Variants in MCUB observed in about 807,000 individuals in gnomAD.
The protein encoded by MCUB is calcium uniporter regulatory subunit MCUb, mitochondrial.
MCUB carries 46 observed loss-of-function variants against 41.4 expected under a neutral mutation model. The ratio of observed to expected loss-of-function variants is 1.11; its 90% CI spans 0.88 to 1.42. The LOEUF is 1.42. MCUB is among the 40% of genes most tolerant of loss of function. The probability of loss-of-function intolerance (pLI) is 0.00; values close to 1 mark genes in which losing one functional copy is unlikely to be tolerated. For synonymous variants in MCUB, 148 were observed against 148.2 expected (o/e 1.00, Z 0.01); for missense variants, 403 against 404.9 (o/e 1.00, Z 0.04).
Position 109,685,228 on chromosome 4 carries a change from T to TTC in MCUB, c.817-13_817-12dup, listed in dbSNP as rs201871696. 22 of 931,778 alleles carry TTC rather than the reference T, an allele frequency of 2.4e-5. No homozygotes were observed. The African/African-American group carries it at 3.4e-4, about 15-fold the overall frequency. 57.7% of individuals were successfully genotyped at this position (931,778 alleles called of 1,614,324 possible). ...TGTTCATTCAAAACATGTTGTTTTC[T>TTC]TCTCTCTCTCTTTTTTTTTAAGGAT... On this transcript the variant is annotated intron_variant, in intron 6 of 7. Coordinates refer to ENST00000394650, the MANE Select transcript of MCUB (RefSeq NM_017918.5).
chr4:109,625,648 A>G (rs566200169), intron 1 of MCUB, among the ~76,000 whole-genome samples: 22 of 152,238 alleles, frequency 1.4e-4, no homozygotes, highest in Non-Finnish European at 2.4e-4. Flanking sequence ...ATCATAAGCT[A>G]AAGAGCATCC....
chr4:109,652,938 G>C (rs1397097185), intron 1 of MCUB, among the ~76,000 whole-genome samples: 2 of 152,186 alleles, frequency 1.3e-5, no homozygotes, highest in Non-Finnish European at 2.9e-5. Flanking sequence ...CCAAGTCCCT[G>C]CCTGCTCCTG....
In MCUB at chr4:109,688,195, G is replaced by A. The variant is rs1445276351; in HGVS notation, c.*603G>A. 4 of 152,166 alleles carry A rather than the reference G, an allele frequency of 2.6e-5. No individual in the cohort carries two copies. The highest frequency in any genetic ancestry group is 4.8e-5 in the African/African-American group (2 of 41,442). The allele number at this position is 152,166 out of a possible 1,614,324, so 9.4% of individuals were successfully genotyped here. A position where few individuals can be genotyped will look rare whatever the true frequency, so the allele number is the denominator to read the frequency against. The stretch of plus-strand genomic sequence containing the variant: ...CTGCAAATCACAAGTTTCAGGTATC[G>A]AAGCCAAAACAGTTAACTTTCTTCA... On this transcript the variant is annotated 3_prime_UTR_variant, in exon 8 of 8. Transcript: ENST00000394650.
chr4:109,599,392 T>A (rs1727674435), intron 1 of MCUB, among the ~76,000 whole-genome samples: 1 of 152,180 alleles, frequency 6.6e-6, no homozygotes, highest in East Asian at 1.9e-4. Flanking sequence ...GAAACAACTT[T>A]GCAACCTTTA....
At chr4:109,593,516 GTCCAT>G (rs1472670575) in intron 1 of MCUB, among the ~76,000 whole-genome samples, 2 of 152,266 alleles carry the variant, frequency 1.3e-5, no homozygotes, top group Admixed American at 1.3e-4. Flanking sequence ...TGAAAAGTGT[GTCCAT>G]TCCTTTCTGT....
At chr4:109,604,143 G>C (rs1447759729) in intron 1 of MCUB, among the ~76,000 whole-genome samples, 1 of 151,812 alleles carries the variant, frequency 6.6e-6, no homozygotes, top group African/African-American at 2.4e-5. Flanking sequence ...AATGGATTAA[G>C]GGCGGTGCAA....
chr4:109,649,747 T>A (rs1040099357), intron 1 of MCUB, among the ~76,000 whole-genome samples: 16 of 75,330 alleles, frequency 2.1e-4, no homozygotes, highest in Admixed American at 1.2e-4. Context: ...TTATTATGAT[T>A]TTTTAAAATA....
intron 1 of MCUB, among the ~76,000 whole-genome samples, chr4:109,654,705 T>C (rs543087409): frequency 2.3e-4 from 35 of 152,308 alleles, no homozygotes; most frequent in Admixed American, 4.6e-4. Flanking sequence ...CTCCTGCCAA[T>C]AGAATGTCAA....
Position 109,577,598 on chromosome 4 carries a change from CTTTTTTTTTTTT to C in MCUB, c.99+17180_99+17191del, listed in dbSNP as rs71594195. On this transcript the variant is annotated intron_variant, in intron 1 of 7. Coordinates refer to ENST00000394650, the MANE Select transcript of MCUB (RefSeq NM_017918.5). ...ATAGCCTAAAATGGGTACTTGAATT[CTTTTTTTTTTTT>C]TTTTTTTTTTTTTTTTTGAGATGGA... Among the ~76,000 whole-genome samples, 171 of 48,664 alleles carry C rather than the reference CTTTTTTTTTTTT, an allele frequency of 3.5e-3. 27 individuals carry two copies. The highest frequency in any genetic ancestry group is 0.013 in the African/African-American group (166 of 12,896). 31.9% of individuals were successfully genotyped at this position (48,664 alleles called of 152,430 possible).
intron 1 of MCUB, among the ~76,000 whole-genome samples, chr4:109,598,430 C>CA (rs889900743): frequency 1.7e-4 from 26 of 151,690 alleles, no homozygotes; most frequent in African/African-American, 5.8e-4. Flanking sequence ...CCGTCTCCAC[C>CA]AAAAAAAATA....
intron 1 of MCUB, among the ~76,000 whole-genome samples, chr4:109,626,146 A>T (rs1287626027): frequency 6.6e-6 from 1 of 152,206 alleles, no homozygotes. Flanking sequence ...GTTTACACTA[A>T]GCACTTGATT....
chr4:109,628,393 T>C (rs144204913), intron 1 of MCUB, among the ~76,000 whole-genome samples: 278 of 152,142 alleles, frequency 1.8e-3, no homozygotes, highest in African/African-American at 6.5e-3. Flanking sequence ...GGATATTGAG[T>C]TTTTATCAAG....
At position 109,572,775 on chromosome 4, in the gene MCUB, A is replaced by G. The variant is rs1053241892; in HGVS notation, c.99+12339A>G. ...CAAATGCATAACTTTGAGATATTAG[A>G]TATATTTTCAATGGCTTTTCATACT... is the stretch of plus-strand genomic sequence containing the variant. On this transcript the variant is annotated intron_variant, in intron 1 of 7. Transcript: ENST00000394650. Among the ~76,000 whole-genome samples, 4 of 152,146 alleles carry G rather than the reference A, an allele frequency of 2.6e-5. No homozygotes were observed. The East Asian group carries it at 7.7e-4, about 29-fold the overall frequency.
intron 1 of MCUB, among the ~76,000 whole-genome samples, chr4:109,628,681 G>A (rs1267380097): frequency 1.3e-5 from 2 of 152,226 alleles, no homozygotes; most frequent in Non-Finnish European, 2.9e-5. Context: ...GTGTATGGCG[G>A]TACCACTTAC....
chr4:109,627,165 TC>T (rs1395468187), intron 1 of MCUB, among the ~76,000 whole-genome samples: 2 of 152,168 alleles, frequency 1.3e-5, no homozygotes, highest in African/African-American at 4.8e-5. Context: ...TTTAATATTT[TC>T]AGAAATTTCC....
At chr4:109,570,002 G>C (rs2126124235) in intron 1 of MCUB, among the ~76,000 whole-genome samples, 1 of 152,254 alleles carries the variant, frequency 6.6e-6, no homozygotes, top group East Asian at 1.9e-4. Flanking sequence ...GCATGTTATA[G>C]AGCATAACAT....
At chr4:109,601,965 G>A (rs1727754578) in intron 1 of MCUB, among the ~76,000 whole-genome samples, 1 of 152,050 alleles carries the variant, frequency 6.6e-6, no homozygotes, top group South Asian at 2.1e-4. Context: ...GTTTTGATTT[G>A]CATTTCTCTG....
intron 2 of MCUB, among the ~76,000 whole-genome samples, chr4:109,659,889 C>T (rs1729189790): frequency 6.6e-6 from 1 of 152,180 alleles, no homozygotes; most frequent in Admixed American, 6.5e-5. Context: ...AACTTCTGCG[C>T]TCAGGCAGTC....
chr4:109,585,060 CACTACT>C (rs1358416965), intron 1 of MCUB, among the ~76,000 whole-genome samples: 2 of 152,084 alleles, frequency 1.3e-5, no homozygotes, highest in East Asian at 3.9e-4. Flanking sequence ...TAAAGTCTGC[CACTACT>C]ATTGTATGGG....
Sources: allele counts gnomAD v4.1 joint callset (sites outside exome capture counted in the v4.1 genomes callset), GRCh38; gene constraint gnomAD v4.1.1; transcripts MANE v1.5; gene names NCBI Gene and HGNC (gene_info 2026-07-23, HGNC 2026-07-21).